CPLANE1: variants seen among roughly 807,000 people sequenced by gnomAD.
CPLANE1 encodes ciliogenesis and planar polarity effector complex subunit 1.
CPLANE1 carries 263 observed loss-of-function variants against 362.5 expected under a neutral mutation model. That is an observed-to-expected ratio of 0.73 (90% confidence interval 0.66 to 0.80). CPLANE1 has a LOEUF of 0.80. CPLANE1 is among the 30% of genes least tolerant of loss of function. The probability of loss-of-function intolerance (pLI) is 0.00; values close to 1 mark genes in which losing one functional copy is unlikely to be tolerated. For missense variants in CPLANE1, 3,461 were observed against 3,793.4 expected (o/e 0.91, Z 2.30); for synonymous variants, 1,212 against 1,302.6 (o/e 0.93, Z 1.50).
chr5:37,154,144 G>C, intron 41 of CPLANE1, 151 bp from the exon 42 acceptor site: 1 of 613,228 alleles, frequency 1.6e-6, no homozygotes, highest in Non-Finnish European at 2.7e-6. Context: ...TTCCTTTTCA[G>C]CTTCTTGATT....
intron 8 of CPLANE1, among the ~76,000 whole-genome samples, chr5:37,235,572 T>C (rs1487723016): frequency 2.8e-5 from 4 of 141,110 alleles, no homozygotes; most frequent in Admixed American, 7.0e-5. Flanking sequence ...AATTTCTTTT[T>C]TTTTTTTTTT....
At chr5:37,169,971 T>C in intron 33 of CPLANE1, 70 bp downstream of exon 33, 1 of 1,486,060 alleles carries the variant, frequency 6.7e-7, no homozygotes, top group African/African-American at 1.4e-5. Flanking sequence ...AGGTGTGGCC[T>C]GCCAAAGTGC....
the CPLANE1 span, chr5:37,085,554 A>T: frequency 2.0e-4 from 166 of 828,608 alleles, no homozygotes; most frequent in East Asian, 3.6e-3. Context: ...GGAGACTGGC[A>T]AGATTACTGT....
intron 16 of CPLANE1, chr5:37,211,914 C>T: frequency 1.3e-6 from 1 of 793,494 alleles, no homozygotes; most frequent in East Asian, 2.4e-5. Context: ...CGGGGATATG[C>T]TTCATATGGG....
At chr5:37,160,840 T>G (rs1345052876) in intron 38 of CPLANE1, among the ~76,000 whole-genome samples, 3 of 151,774 alleles carry the variant, frequency 2.0e-5, no homozygotes, top group Non-Finnish European at 4.4e-5. Flanking sequence ...CCTGGCTAAT[T>G]TTTTGTATTT....
chr5:37,114,730 T>C (rs1760404390), intron 51 of CPLANE1, among the ~76,000 whole-genome samples: 1 of 151,974 alleles, frequency 6.6e-6, no homozygotes, highest in African/African-American at 2.4e-5. Flanking sequence ...CAAAACCCCA[T>C]CTCTACGAAA....
At chr5:37,239,221 G>A (rs924430864) in intron 7 of CPLANE1, among the ~76,000 whole-genome samples, 36 of 151,984 alleles carry the variant, frequency 2.4e-4, no homozygotes, top group South Asian at 1.3e-3. Flanking sequence ...TGAAAGTTAT[G>A]GGATCTACTT....
chr5:37,088,598 C>A, the CPLANE1 span, among the ~76,000 whole-genome samples: 6 of 152,166 alleles, frequency 3.9e-5, no homozygotes, highest in Admixed American at 3.9e-4. Flanking sequence ...CCATAAAAAA[C>A]CAGTCAGGCA....
At chr5:37,186,504 A>G in intron 23 of CPLANE1, 110 bp from the exon 24 acceptor site, 1 of 628,636 alleles carries the variant, frequency 1.6e-6, no homozygotes, top group Non-Finnish European at 2.9e-6. Context: ...TTTCTTACTA[A>G]TCTTTTGAAG....
intron 6 of CPLANE1, among the ~76,000 whole-genome samples, chr5:37,242,299 A>G (rs1265265183): frequency 6.6e-6 from 1 of 152,056 alleles, no homozygotes; most frequent in Non-Finnish European, 1.5e-5. Context: ...GGTTACAGTG[A>G]GCCAAGATTG....
chr5:37,204,748 T>TTA (rs1554095534), intron 18 of CPLANE1, among the ~76,000 whole-genome samples: 2 of 142,244 alleles, frequency 1.4e-5, no homozygotes, highest in East Asian at 2.0e-4. Flanking sequence ...CTTTAATATT[T>TTA]AAAAAAAAAA....
In CPLANE1 at chr5:37,114,960, C is replaced by A; in HGVS notation, c.9400G>T (p.Gly3134Cys). ...AAACTTTATCTTCTTTATCCCTTAC[C>A]TTTTTGGAAGGTAACTGGAGACTGC... The part of the protein sequence containing the change: ...ATQSPVTFQK[G>C]SNAPCHSLQH... Residue 3134 changes from glycine to cysteine, a missense_variant and splice_region_variant, in exon 51 of 53, where the codon GGC (glycine) becomes TGC (cysteine). Physicochemically the swap from Gly to Cys is radical, Grantham distance 159. Coordinates refer to ENST00000651892, the MANE Select transcript of CPLANE1 (RefSeq NM_001384732.1). 6.3e-7 allele frequency: 1 copy of A among 1,590,892 alleles called. No individual in the cohort carries two copies.
chr5:37,240,202 T>A (rs1246617419), intron 6 of CPLANE1, among the ~76,000 whole-genome samples: 2 of 151,952 alleles, frequency 1.3e-5, no homozygotes, highest in Non-Finnish European at 2.9e-5. Context: ...AATACAAAAT[T>A]ACCTGGGCAT....
At chr5:37,172,720 T>A (rs905173338) in intron 32 of CPLANE1, among the ~76,000 whole-genome samples, 1 of 152,238 alleles carries the variant, frequency 6.6e-6, no homozygotes, top group African/African-American at 2.4e-5. Context: ...GCACAGCGGC[T>A]CACGCCTGTA....
chr5:37,092,012 C>A, the CPLANE1 span, among the ~76,000 whole-genome samples: 1 of 152,184 alleles, frequency 6.6e-6, no homozygotes, highest in Non-Finnish European at 1.5e-5. Flanking sequence ...CCTTGCTATG[C>A]TCTCTGTTGT....
At chr5:37,104,744 TA>T (rs544136236), downstream of CPLANE1, among the ~76,000 whole-genome samples, 13 of 142,500 alleles carry the variant, frequency 9.1e-5, no homozygotes, top group Admixed American at 1.4e-4. Context: ...CATCTCTACT[TA>T]AAAAAAAAAA....
chr5:37,195,987 T>C lies in CPLANE1; in HGVS notation c.3682A>G (p.Lys1228Glu). The change falls in exon 21 of 53, where the codon AAA becomes GAA. Residue 1228 changes from lysine (K) to glutamate (E), a missense_variant. Lys to Glu is a moderately conservative substitution (Grantham distance 56, BLOSUM62 1). This residue lies in a region of CPLANE1 where 3,380 missense variants were observed against 3,666.1 expected (regional missense o/e 0.92). Coordinates refer to ENST00000651892, the MANE Select transcript of CPLANE1 (RefSeq NM_001384732.1). ...GGACTCAGTGAAGGAAGGGATCCTT[T>C]CATTCGAATCTAAAAGTAAAGAATA... ...ARKVMQKIRM[K>E]GSLPSLSPFP... 1.3e-6 allele frequency: 2 copies of C among 1,599,394 alleles called. No homozygotes were observed. The highest frequency in any genetic ancestry group is 1.8e-5 in the Admixed American group (1 of 55,846).
Position 37,244,465 on chromosome 5 carries a change from C to A in CPLANE1, c.480G>T (p.Arg160=). 1 of 1,551,628 alleles carries A rather than the reference C, an allele frequency of 6.4e-7. No homozygotes were observed. Among genetic ancestry groups the A allele is most frequent in the Admixed American group, 2.0e-5 (1 of 50,994 alleles). ...CTTCTTCAGGTATGACCTGGGACCA[C>A]CGACCCGCCAATGAAAGGCTTTTAG... ...LSSKSLSLAG[R]WSQVIPEEAV... The change falls in exon 5 of 53, where the codon CGG becomes CGT. Residue 160 remains arginine, a synonymous_variant. Coordinates refer to ENST00000651892, the MANE Select transcript of CPLANE1 (RefSeq NM_001384732.1).
At chr5:37,174,671 ATCAGAT>A (rs1042454668) in intron 31 of CPLANE1, among the ~76,000 whole-genome samples, 5 of 152,222 alleles carry the variant, frequency 3.3e-5, no homozygotes, top group Admixed American at 6.5e-5. Flanking sequence ...GCAGGCAGTT[ATCAGAT>A]TCAAACAGAT....
Sources: allele counts gnomAD v4.1 joint callset (sites outside exome capture counted in the v4.1 genomes callset), GRCh38; gene constraint gnomAD v4.1.1; regional missense constraint gnomAD v4.1.1; transcripts MANE v1.5; gene names NCBI Gene and HGNC (gene_info 2026-07-23, HGNC 2026-07-21).